SORBS2: variants seen among roughly 807,000 people sequenced by gnomAD.
SORBS2 encodes the protein sorbin and SH3 domain-containing protein 2.
SORBS2 carries 46 observed loss-of-function variants against 97.7 expected under a neutral mutation model. The ratio of observed to expected loss-of-function variants is 0.47; its 90% confidence interval spans 0.37 to 0.60. SORBS2 has a LOEUF of 0.60. Ranked by LOEUF, SORBS2 falls within the 20% of genes least tolerant of loss-of-function variation. The pLI is 0.00. For synonymous variants in SORBS2, 476 were observed against 473.4 expected, an observed-to-expected ratio of 1.01 and a Z score of -0.07; for missense variants, 1,316 against 1,282.3, an observed-to-expected ratio of 1.03 and a Z score of -0.40.
At chr4:185,730,203 G>A (rs1303728553) in intron 2 of SORBS2, among the ~76,000 whole-genome samples, 4 of 151,184 alleles carry the variant, frequency 2.6e-5, no homozygotes, top group Admixed American at 2.0e-4. Flanking sequence ...TTCAAAGAAT[G>A]TTTTAATGAT....
At chr4:185,617,557 A>C (rs767268159) in intron 9 of SORBS2, among the ~76,000 whole-genome samples, 3 of 152,172 alleles carry the variant, frequency 2.0e-5, no homozygotes, top group Non-Finnish European at 2.9e-5. Context: ...TAAACAACAT[A>C]TAATAATTTA....
At chr4:185,614,730 G>GA (rs2096602160) in intron 11 of SORBS2, 101 bp downstream of exon 23, 1 of 1,392,570 alleles carries the variant, frequency 7.2e-7, no homozygotes. Flanking sequence ...AATGTCTAAA[G>GA]AAAAAGATAA....
intron 2 of SORBS2, among the ~76,000 whole-genome samples, chr4:185,764,117 G>T (rs989467815): frequency 2.0e-5 from 3 of 152,124 alleles, no homozygotes; most frequent in Non-Finnish European, 4.4e-5. Context: ...GTCCTATTTT[G>T]CCTGGTATCG....
intron 1 of SORBS2, among the ~76,000 whole-genome samples, chr4:185,809,974 T>C (rs1218109599): frequency 1.3e-5 from 2 of 152,224 alleles, no homozygotes; most frequent in African/African-American, 4.8e-5. Flanking sequence ...TGAAGGAAAT[T>C]AAATTGGAGA....
chr4:185,706,204 A>G (rs1026115894), intron 2 of SORBS2, among the ~76,000 whole-genome samples: 2 of 152,206 alleles, frequency 1.3e-5, no homozygotes, highest in African/African-American at 4.8e-5. Context: ...CATTTTTACT[A>G]TTGAACCCTA....
chr4:185,645,180 G>A (rs914271567), intron 4 of SORBS2, among the ~76,000 whole-genome samples: 2 of 152,092 alleles, frequency 1.3e-5, no homozygotes, highest in Admixed American at 1.3e-4. Flanking sequence ...TACCATGTTC[G>A]TTATCCTAAG....
At chr4:185,754,778 C>T (rs931183981) in intron 2 of SORBS2, among the ~76,000 whole-genome samples, 1 of 152,224 alleles carries the variant, frequency 6.6e-6, no homozygotes, top group African/African-American at 2.4e-5. Context: ...TGGGGTCTCA[C>T]AGTCCTTCAC....
At chr4:185,649,146 C>T (rs1307345805) in intron 3 of SORBS2, among the ~76,000 whole-genome samples, 1 of 152,170 alleles carries the variant, frequency 6.6e-6, no homozygotes, top group Non-Finnish European at 1.5e-5. Flanking sequence ...AACTGCATAG[C>T]CTGTAACCTG....
intron 1 of SORBS2, among the ~76,000 whole-genome samples, chr4:185,952,555 C>T (rs2099277719): frequency 6.6e-6 from 1 of 152,160 alleles, no homozygotes; most frequent in African/African-American, 2.4e-5. Context: ...GGATTCATTT[C>T]GTCTTTGAGA....
chr4:185,619,039 AAAG>A (rs2096670441), intron 8 of SORBS2, among the ~76,000 whole-genome samples: 2 of 152,318 alleles, frequency 1.3e-5, no homozygotes, highest in African/African-American at 2.4e-5. Flanking sequence ...AGATGTCATA[AAAG>A]AAGTAATCAT....
At chr4:185,843,539 A>G (rs1261080778) in intron 1 of SORBS2, among the ~76,000 whole-genome samples, 3 of 152,230 alleles carry the variant, frequency 2.0e-5, no homozygotes, top group African/African-American at 7.2e-5. Context: ...CAATAATTCC[A>G]TATGGTAGAA....
At chr4:185,926,407 G>A (rs554876082) in intron 1 of SORBS2, among the ~76,000 whole-genome samples, 82 of 152,052 alleles carry the variant, frequency 5.4e-4, no homozygotes, top group African/African-American at 1.9e-3. Context: ...AGACAAAAAA[G>A]GAGATAGGGG....
chr4:185,873,692 G>A (rs1025296093), intron 1 of SORBS2, among the ~76,000 whole-genome samples: 6 of 152,002 alleles, frequency 3.9e-5, no homozygotes, highest in Non-Finnish European at 5.9e-5. Flanking sequence ...GCAACTCTAC[G>A]CTCATAATTT....
chr4:185,719,457 T>C (rs933384103), intron 2 of SORBS2, among the ~76,000 whole-genome samples: 1 of 152,246 alleles, frequency 6.6e-6, no homozygotes, highest in African/African-American at 2.4e-5. Flanking sequence ...GTAACAGTTA[T>C]AAGGATCAGT....
intron 1 of SORBS2, among the ~76,000 whole-genome samples, chr4:185,805,756 A>T (rs767559904): frequency 1.3e-5 from 2 of 152,260 alleles, no homozygotes; most frequent in Admixed American, 6.5e-5. Flanking sequence ...GATATTGAGC[A>T]AACTAAAATA....
intron 1 of SORBS2, among the ~76,000 whole-genome samples, chr4:185,801,109 C>T (rs547140395): frequency 6.6e-6 from 1 of 152,188 alleles, no homozygotes; most frequent in Non-Finnish European, 1.5e-5. Flanking sequence ...ATTTAGACTC[C>T]ACATATAAGT....
intron 4 of SORBS2, chr4:185,638,149 T>G (rs777796443): frequency 6.2e-7 from 1 of 1,608,500 alleles, no homozygotes; most frequent in South Asian, 1.1e-5. Context: ...GTCATCTGGA[T>G]TTATGCGATC....
chr4:185,615,013 C>T (rs752827641), intron 10 of SORBS2, 32 bp downstream of exon 22: 5 of 1,613,346 alleles, frequency 3.1e-6, no homozygotes, highest in African/African-American at 2.7e-5. Context: ...TTGAAACCAC[C>T]GCCATCCAAG....
chr4:185,862,992 C>T (rs1241103091), intron 1 of SORBS2, among the ~76,000 whole-genome samples: 1 of 152,200 alleles, frequency 6.6e-6, no homozygotes. Context: ...CTCTATGCCC[C>T]CTCATCCCTG....
Sources: gnomAD v4.1 joint callset for allele counts (sites outside exome capture counted in the v4.1 genomes callset) on GRCh38, gnomAD v4.1.1 for gene constraint, MANE v1.5 for transcripts, NCBI Gene and HGNC (gene_info 2026-07-23, HGNC 2026-07-21) for gene names.